Variants in SKAP2 observed in about 807,000 individuals in gnomAD.
SKAP2 encodes the protein src kinase-associated phosphoprotein 2.
SKAP2 carries 28 observed loss-of-function variants against 54.9 expected under a neutral mutation model. That is an observed-to-expected ratio of 0.51 (90% CI 0.38 to 0.70). The LOEUF is 0.70. Among genes scored for constraint, SKAP2 ranks in the 30% least tolerant of loss-of-function variants. The probability of loss-of-function intolerance (pLI) is 0.00; values close to 1 mark genes in which losing one functional copy is unlikely to be tolerated. For synonymous variants in SKAP2, 137 were observed against 134.3 expected (o/e 1.02, Z -0.14); for missense variants, 356 against 424.1 (o/e 0.84, Z 1.41).
chr7:26,820,419 G>T (rs890356372), intron 4 of SKAP2, among the ~76,000 whole-genome samples: 6 of 150,358 alleles, frequency 4.0e-5, no homozygotes, highest in African/African-American at 1.5e-4. Context: ...ACCAACCAAA[G>T]AATGAAATCA....
intron 4 of SKAP2, among the ~76,000 whole-genome samples, chr7:26,787,986 G>C (rs1314197672): frequency 1.3e-5 from 2 of 152,130 alleles, no homozygotes; most frequent in African/African-American, 4.8e-5. Flanking sequence ...CCCCTGAATA[G>C]CTGGGATTAT....
At chr7:26,827,256 CAT>C (rs1784510335) in intron 4 of SKAP2, among the ~76,000 whole-genome samples, 1 of 152,116 alleles carries the variant, frequency 6.6e-6, no homozygotes, top group South Asian at 2.1e-4. Flanking sequence ...TACTTTCTGA[CAT>C]AGTCTTTAAA....
chr7:26,741,379 T>C (rs961512306), intron 4 of SKAP2, among the ~76,000 whole-genome samples: 1 of 149,206 alleles, frequency 6.7e-6, no homozygotes, highest in African/African-American at 2.4e-5. Flanking sequence ...TAACTGGGTG[T>C]AGTGGTATAC....
At chr7:26,768,281 C>CTTTTT (rs150416174) in intron 4 of SKAP2, among the ~76,000 whole-genome samples, 39 of 140,148 alleles carry the variant, frequency 2.8e-4, no homozygotes, top group African/African-American at 1.0e-3. Flanking sequence ...GCAACCCCTG[C>CTTTTT]TTTTTTTTTT....
intron 4 of SKAP2, among the ~76,000 whole-genome samples, chr7:26,762,234 A>C (rs1782949067): frequency 6.6e-6 from 1 of 151,854 alleles, no homozygotes; most frequent in African/African-American, 2.4e-5. Flanking sequence ...GTACCACTGC[A>C]CTCCAGCCTG....
At chr7:26,791,606 T>A (rs1331634834) in intron 4 of SKAP2, among the ~76,000 whole-genome samples, 1 of 152,258 alleles carries the variant, frequency 6.6e-6, no homozygotes, top group Non-Finnish European at 1.5e-5. Context: ...TATTTGTATT[T>A]CTAAATTATT....
At chr7:26,843,584 A>C (rs1057482123) in intron 4 of SKAP2, among the ~76,000 whole-genome samples, 1 of 152,026 alleles carries the variant, frequency 6.6e-6, no homozygotes, top group African/African-American at 2.4e-5. Context: ...AACCTGTCTC[A>C]GTGTGAAGAG....
intron 6 of SKAP2, among the ~76,000 whole-genome samples, chr7:26,737,243 T>C (rs1787962083): frequency 6.6e-6 from 1 of 152,202 alleles, no homozygotes; most frequent in African/African-American, 2.4e-5. Context: ...CAAAACTATA[T>C]TTCTATGATC....
chr7:26,810,983 T>C (rs576693047), intron 4 of SKAP2, among the ~76,000 whole-genome samples: 4 of 152,220 alleles, frequency 2.6e-5, no homozygotes, highest in South Asian at 2.1e-4. Flanking sequence ...CCCAGCCCTA[T>C]ATATAATTTT....
downstream of SKAP2, among the ~76,000 whole-genome samples, chr7:26,666,831 A>G (rs1786112531): frequency 6.6e-6 from 1 of 152,198 alleles, no homozygotes; most frequent in South Asian, 2.1e-4. Context: ...AGCTGTGTTA[A>G]GTGTAAATCC....
intron 9 of SKAP2, among the ~76,000 whole-genome samples, chr7:26,709,070 CA>C (rs1162133272): frequency 1.3e-5 from 2 of 152,052 alleles, no homozygotes; most frequent in Non-Finnish European, 2.9e-5. Flanking sequence ...CTCAAATTCA[CA>C]AAGTGTCTAG....
intron 6 of SKAP2, 95 bp from the exon 7 acceptor site, chr7:26,727,101 C>T (rs1450958724): frequency 1.9e-6 from 2 of 1,053,804 alleles, no homozygotes; most frequent in Non-Finnish European, 2.7e-6. Flanking sequence ...TTGGAAATAA[C>T]ATTTTTTGGT....
At chr7:26,778,766 A>G (rs1408883363) in intron 4 of SKAP2, among the ~76,000 whole-genome samples, 1 of 152,048 alleles carries the variant, frequency 6.6e-6, no homozygotes, top group Non-Finnish European at 1.5e-5. Context: ...TAAACATGTA[A>G]TACAAATTAC....
intron 11 of SKAP2, 104 bp downstream of exon 11, chr7:26,684,632 A>G: frequency 1.5e-6 from 1 of 663,072 alleles, no homozygotes; most frequent in Non-Finnish European, 2.7e-6. Context: ...AGGACCTAGA[A>G]GAATTCCAAT....
chr7:26,679,110 C>T (rs1415435478), intron 11 of SKAP2, among the ~76,000 whole-genome samples: 1 of 152,138 alleles, frequency 6.6e-6, no homozygotes, highest in East Asian at 1.9e-4. Context: ...GGCTCCTTTC[C>T]AAAGCAGCCC....
At chr7:26,779,429 C>T (rs1033050195) in intron 4 of SKAP2, among the ~76,000 whole-genome samples, 22 of 151,980 alleles carry the variant, frequency 1.4e-4, no homozygotes, top group Admixed American at 3.9e-4. Flanking sequence ...CCTAACAATA[C>T]TCAATGAAAT....
intron 4 of SKAP2, among the ~76,000 whole-genome samples, chr7:26,819,117 G>A (rs1412578442): frequency 6.6e-6 from 1 of 152,060 alleles, no homozygotes; most frequent in African/African-American, 2.4e-5. Flanking sequence ...AAAGACACAT[G>A]CACACATATG....
intron 4 of SKAP2, among the ~76,000 whole-genome samples, chr7:26,771,789 CA>C (rs1783195619): frequency 6.6e-6 from 1 of 152,050 alleles, no homozygotes; most frequent in South Asian, 2.1e-4. Context: ...ATAAAATGGT[CA>C]AAGTAAAAGC....
chr7:26,728,128 A>G (rs1206615800), intron 6 of SKAP2, among the ~76,000 whole-genome samples: 1 of 152,202 alleles, frequency 6.6e-6, no homozygotes, highest in Non-Finnish European at 1.5e-5. Context: ...ACATTTAGTC[A>G]TAATTTACAT....
Sources: allele counts gnomAD v4.1 joint callset (sites outside exome capture counted in the v4.1 genomes callset), GRCh38; gene constraint gnomAD v4.1.1; transcripts MANE v1.5; gene names NCBI Gene and HGNC (gene_info 2026-07-23, HGNC 2026-07-21).